The following LRMDA variants were observed in gnomAD, a reference collection of about 807,000 sequenced individuals.
The protein encoded by LRMDA is leucine rich melanocyte differentiation associated.
A neutral mutation model predicts 29.8 loss-of-function variants in LRMDA; 18 were observed. The ratio of observed to expected loss-of-function variants is 0.60; its 90% CI spans 0.42 to 0.90. The LOEUF is 0.90. Among genes scored for constraint, LRMDA ranks in the 40% least tolerant of loss-of-function variants. The pLI is 0.00. For synonymous variants in LRMDA, 125 were observed against 109.4 expected (o/e 1.14, Z -0.89); for missense variants, 273 against 273.9 (o/e 1.00, Z 0.02).
chr10:76,048,986 G>A (rs1371100355), intron 4 of LRMDA, among the ~76,000 whole-genome samples: 1 of 152,118 alleles, frequency 6.6e-6, no homozygotes, highest in African/African-American at 2.4e-5. Flanking sequence ...AACTTATAGG[G>A]AGATGCAGGG....
intron 6 of LRMDA, among the ~76,000 whole-genome samples, chr10:76,481,166 T>C (rs1842729941): frequency 6.6e-6 from 1 of 151,946 alleles, no homozygotes; most frequent in Non-Finnish European, 1.5e-5. Flanking sequence ...TTAAATGATA[T>C]TTAAACCAAG....
At chr10:75,882,244 A>AT (rs372080029) in intron 2 of LRMDA, among the ~76,000 whole-genome samples, 2 of 151,990 alleles carry the variant, frequency 1.3e-5, no homozygotes, top group Non-Finnish European at 2.9e-5. Flanking sequence ...CAGGAATCTT[A>AT]TTTTTTTTAA....
intron 2 of LRMDA, among the ~76,000 whole-genome samples, chr10:76,000,663 C>T (rs1056941100): frequency 9.9e-5 from 15 of 152,058 alleles, no homozygotes; most frequent in South Asian, 4.2e-4. Flanking sequence ...ATGAGGGAGG[C>T]CTGTGCATCT....
At chr10:75,973,575 C>T (rs763641681) in intron 2 of LRMDA, among the ~76,000 whole-genome samples, 3 of 152,010 alleles carry the variant, frequency 2.0e-5, no homozygotes, top group Non-Finnish European at 4.4e-5. Flanking sequence ...CCTGCCACCA[C>T]GCCTGGCTAA....
chr10:75,742,699 GAGA>G (rs1056896723), intron 2 of LRMDA: 3 of 152,194 alleles, frequency 2.0e-5, no homozygotes, highest in Non-Finnish European at 4.4e-5. Flanking sequence ...TGAACAGTGT[GAGA>G]AGTTCTATAC....
intron 2 of LRMDA, among the ~76,000 whole-genome samples, chr10:75,991,160 T>C (rs1046434388): frequency 6.6e-6 from 1 of 152,180 alleles, no homozygotes; most frequent in Non-Finnish European, 1.5e-5. Context: ...AAAATACATA[T>C]ACATATGTAT....
chr10:76,044,644 C>T (rs1339253077), intron 3 of LRMDA, among the ~76,000 whole-genome samples: 1 of 152,016 alleles, frequency 6.6e-6, no homozygotes, highest in Non-Finnish European at 1.5e-5. Flanking sequence ...GGCCACCCAC[C>T]CCTCTGTACT....
chr10:75,770,299 G>A (rs1843222771), intron 2 of LRMDA, among the ~76,000 whole-genome samples: 1 of 152,050 alleles, frequency 6.6e-6, no homozygotes, highest in East Asian at 1.9e-4. Context: ...TCTTAAAAAA[G>A]AATTAATTTA....
intron 2 of LRMDA, among the ~76,000 whole-genome samples, chr10:75,488,419 G>T (rs1049731432): frequency 2.6e-5 from 4 of 152,168 alleles, no homozygotes; most frequent in Non-Finnish European, 5.9e-5. Context: ...TGATAAAGAG[G>T]CATCTTTTGC....
intron 2 of LRMDA, among the ~76,000 whole-genome samples, chr10:75,979,606 T>C (rs1847130843): frequency 1.3e-5 from 2 of 152,212 alleles, no homozygotes; most frequent in South Asian, 4.1e-4. Flanking sequence ...TCAAGGTCCC[T>C]GCTGATAAAC....
intron 5 of LRMDA, among the ~76,000 whole-genome samples, chr10:76,296,002 G>A (rs1403834217): frequency 2.0e-5 from 3 of 152,064 alleles, no homozygotes; most frequent in Non-Finnish European, 2.9e-5. Context: ...TCCATAGTAC[G>A]TAATTTGGGA....
intron 5 of LRMDA, among the ~76,000 whole-genome samples, chr10:76,153,171 C>T (rs953852221): frequency 6.6e-6 from 1 of 152,028 alleles, no homozygotes; most frequent in African/African-American, 2.4e-5. Flanking sequence ...AGTTATTTGT[C>T]TTTATATTGT....
At chr10:75,454,652 G>A (rs1482858239) in intron 2 of LRMDA, among the ~76,000 whole-genome samples, 2 of 152,236 alleles carry the variant, frequency 1.3e-5, no homozygotes, top group Admixed American at 1.3e-4. Context: ...CACCTGTGCT[G>A]GCAGTTGGAT....
intron 2 of LRMDA, among the ~76,000 whole-genome samples, chr10:75,861,831 G>T (rs1485399837): frequency 6.6e-6 from 1 of 152,124 alleles, no homozygotes; most frequent in African/African-American, 2.4e-5. Flanking sequence ...ATTAGCATGT[G>T]GGATGCAAGC....
At chr10:75,866,569 A>G (rs187155114) in intron 2 of LRMDA, among the ~76,000 whole-genome samples, 1 of 152,342 alleles carries the variant, frequency 6.6e-6, no homozygotes, top group East Asian at 1.9e-4. Flanking sequence ...GGGTTCTGGC[A>G]GGAAGTTTGC....
At chr10:75,531,872 C>T (rs1845481178) in intron 2 of LRMDA, among the ~76,000 whole-genome samples, 1 of 150,236 alleles carries the variant, frequency 6.7e-6, no homozygotes, top group Non-Finnish European at 1.5e-5. Flanking sequence ...TCAGCCTGGA[C>T]AACATGGCAA....
chr10:76,194,871 A>G (rs769799809), intron 5 of LRMDA, among the ~76,000 whole-genome samples: 1 of 152,202 alleles, frequency 6.6e-6, no homozygotes, highest in Non-Finnish European at 1.5e-5. Flanking sequence ...CAAGCCTTTA[A>G]TGTTCCAAAG....
intron 2 of LRMDA, among the ~76,000 whole-genome samples, chr10:75,524,841 A>T (rs965166774): frequency 5.9e-5 from 9 of 152,228 alleles, no homozygotes; most frequent in African/African-American, 2.2e-4. Context: ...GTGCAAGCTG[A>T]TGTGGGGGAG....
At chr10:76,205,671 G>A (rs184874365) in intron 5 of LRMDA, among the ~76,000 whole-genome samples, 5 of 152,232 alleles carry the variant, frequency 3.3e-5, no homozygotes, top group African/African-American at 1.2e-4. Context: ...TTTCTTTGTG[G>A]GGGTGCGGGG....
Sources: allele counts gnomAD v4.1 joint callset (sites outside exome capture counted in the v4.1 genomes callset), GRCh38; gene constraint gnomAD v4.1.1; transcripts MANE v1.5; gene names NCBI Gene and HGNC (gene_info 2026-07-23, HGNC 2026-07-21).